Variants in ADARB2 observed in about 807,000 individuals in gnomAD.
The protein encoded by ADARB2 is inactive double-stranded RNA-specific editase B2.
In ADARB2, 25 loss-of-function variants were observed where a neutral mutation model predicts 62.2. That is an observed-to-expected ratio of 0.40 (90% CI 0.29 to 0.56). ADARB2 has a LOEUF of 0.56. ADARB2 is among the 20% of genes least tolerant of loss of function. ADARB2 has a pLI of 0.43. For synonymous variants in ADARB2, 572 were observed against 500.8 expected (o/e 1.14, Z -1.90); for missense variants, 1,071 against 1,077.4 (o/e 0.99, Z 0.08).
intron 1 of ADARB2, among the ~76,000 whole-genome samples, chr10:1,609,855 C>T (rs1833545599): frequency 6.6e-6 from 1 of 152,224 alleles, no homozygotes; most frequent in African/African-American, 2.4e-5. Flanking sequence ...CTGGTTTAAA[C>T]ACCCTTCTCC....
intron 1 of ADARB2, among the ~76,000 whole-genome samples, chr10:1,682,665 A>G (rs1299060036): frequency 1.3e-5 from 2 of 152,118 alleles, no homozygotes; most frequent in Non-Finnish European, 2.9e-5. Flanking sequence ...GCATTGTGTC[A>G]CTCACAGCCT....
intron 1 of ADARB2, among the ~76,000 whole-genome samples, chr10:1,703,763 T>C (rs1396124510): frequency 6.6e-6 from 1 of 152,246 alleles, no homozygotes; most frequent in African/African-American, 2.4e-5. Flanking sequence ...AGCGTTTCTT[T>C]GAAAGCAAGG....
At chr10:1,347,757 C>A (rs148135197) in intron 3 of ADARB2, among the ~76,000 whole-genome samples, 2 of 152,292 alleles carry the variant, frequency 1.3e-5, no homozygotes, top group East Asian at 1.9e-4. Context: ...CTGGACCCCA[C>A]GTACGCAGTG....
At chr10:1,395,197 C>T (rs1448543045) in intron 1 of ADARB2, among the ~76,000 whole-genome samples, 1 of 152,134 alleles carries the variant, frequency 6.6e-6, no homozygotes, top group Non-Finnish European at 1.5e-5. Context: ...TTTTATTCTC[C>T]AAGCCTAATC....
chr10:1,205,816 C>T (rs545870623), intron 7 of ADARB2, among the ~76,000 whole-genome samples: 1 of 152,354 alleles, frequency 6.6e-6, no homozygotes, highest in South Asian at 2.1e-4. Context: ...GGGTAGATGC[C>T]ATCCTGACTG....
chr10:1,511,855 A>G (rs779450542), intron 1 of ADARB2, among the ~76,000 whole-genome samples: 37 of 151,914 alleles, frequency 2.4e-4, no homozygotes, highest in Non-Finnish European at 4.7e-4. Context: ...TGCTGTCTAC[A>G]TTAGATACCA....
chr10:1,358,837 T>C (rs1481663631), intron 3 of ADARB2, among the ~76,000 whole-genome samples: 1 of 152,072 alleles, frequency 6.6e-6, no homozygotes, highest in Admixed American at 6.6e-5. Flanking sequence ...AAAGATAAAC[T>C]CACAAACAAG....
chr10:1,411,669 C>A (rs1832760909), intron 1 of ADARB2, among the ~76,000 whole-genome samples: 1 of 152,124 alleles, frequency 6.6e-6, no homozygotes, highest in Non-Finnish European at 1.5e-5. Flanking sequence ...ACCACAGAGA[C>A]CCCACAGTGT....
At chr10:1,617,419 A>T (rs74338929) in intron 1 of ADARB2, among the ~76,000 whole-genome samples, 9 of 46,638 alleles carry the variant, frequency 1.9e-4, no homozygotes, top group African/African-American at 3.8e-4. Context: ...CACCCTGCTG[A>T]GCTCTGCCTC....
chr10:1,599,687 C>T (rs181293836), intron 1 of ADARB2, among the ~76,000 whole-genome samples: 3 of 152,134 alleles, frequency 2.0e-5, no homozygotes, highest in South Asian at 2.1e-4. Context: ...GGAAAAAATT[C>T]GCACCTGGCC....
At chr10:1,604,095 G>A (rs1375464431) in intron 1 of ADARB2, among the ~76,000 whole-genome samples, 1 of 152,106 alleles carries the variant, frequency 6.6e-6, no homozygotes, top group Non-Finnish European at 1.5e-5. Flanking sequence ...ATGAGCCACT[G>A]CCTCTGGCCA....
intron 2 of ADARB2, among the ~76,000 whole-genome samples, chr10:1,369,147 C>T (rs1207317767): frequency 6.6e-6 from 1 of 152,210 alleles, no homozygotes; most frequent in African/African-American, 2.4e-5. Flanking sequence ...ATGTGTTAGA[C>T]TCCCCTCCCC....
chr10:1,322,170 G>T (rs1461529962), intron 3 of ADARB2, among the ~76,000 whole-genome samples: 1 of 152,210 alleles, frequency 6.6e-6, no homozygotes, highest in Non-Finnish European at 1.5e-5. Context: ...GAAGCTTGGT[G>T]AGAGGTGATG....
At chr10:1,726,870 G>T (rs1395695991) in intron 1 of ADARB2, among the ~76,000 whole-genome samples, 1 of 152,114 alleles carries the variant, frequency 6.6e-6, no homozygotes, top group Non-Finnish European at 1.5e-5. Flanking sequence ...ACAGCAGAGG[G>T]GCCAGGGAGA....
intron 1 of ADARB2, among the ~76,000 whole-genome samples, chr10:1,717,344 T>C (rs937021736): frequency 6.6e-6 from 1 of 151,560 alleles, no homozygotes; most frequent in African/African-American, 2.4e-5. Context: ...GCTGGGCCTG[T>C]GTCAGTGACA....
intron 1 of ADARB2, among the ~76,000 whole-genome samples, chr10:1,385,051 A>G (rs1832514316): frequency 1.3e-5 from 2 of 152,232 alleles, no homozygotes; most frequent in Non-Finnish European, 2.9e-5. Context: ...TGCCGTGAAC[A>G]TGCGCTAACA....
intron 1 of ADARB2, among the ~76,000 whole-genome samples, chr10:1,621,092 C>T (rs1352844835): frequency 2.0e-5 from 3 of 152,198 alleles, no homozygotes; most frequent in African/African-American, 7.2e-5. Flanking sequence ...CAGTATACTG[C>T]TGGTCCTTGC....
rs75102387 is a variant in ADARB2, at chr10:1,613,460, C to T, written c.100+123591G>A. Reference sequence around the variant, plus strand: ...CTCAGGATTACCTGTGATTTCAAAGCGAATTTGAAAATCCACCCCAGCAGC... The same window carrying T: ...CTCAGGATTACCTGTGATTTCAAAGTGAATTTGAAAATCCACCCCAGCAGC... On this transcript the variant is annotated intron_variant, in intron 1 of 9. Transcript: ENST00000381312. Among the ~76,000 whole-genome samples, 1,117 of 152,276 alleles carry T rather than the reference C, an allele frequency of 7.3e-3. 12 individuals are homozygous for T. The highest frequency in any genetic ancestry group is 0.041 in the East Asian group (214 of 5,186).
chr10:1,639,090 G>T (rs1343929639), intron 1 of ADARB2, among the ~76,000 whole-genome samples: 1 of 152,206 alleles, frequency 6.6e-6, no homozygotes, highest in Non-Finnish European at 1.5e-5. Flanking sequence ...GACATGCTGT[G>T]GCCATCTCCT....
Sources: gnomAD v4.1 joint callset for allele counts (sites outside exome capture counted in the v4.1 genomes callset) on GRCh38, gnomAD v4.1.1 for gene constraint, MANE v1.5 for transcripts, NCBI Gene and HGNC (gene_info 2026-07-23, HGNC 2026-07-21) for gene names.